Variants in ZNF324B observed in about 807,000 individuals in gnomAD.
ZNF324B encodes zinc finger protein 324B.
Under a neutral mutation model 10.6 loss-of-function variants are expected in ZNF324B, and 7 were observed. That is an observed-to-expected ratio of 0.66 (90% confidence interval 0.38 to 1.24). ZNF324B has a LOEUF of 1.24. Among genes scored for constraint, ZNF324B ranks in the 50% most tolerant of loss-of-function variants. The probability of loss-of-function intolerance (pLI) is 0.02; values close to 1 mark genes in which losing one functional copy is unlikely to be tolerated. For missense variants in ZNF324B, 640 were observed against 764.7 expected (o/e 0.84, Z 1.92); for synonymous variants, 316 against 321.0 (o/e 0.98, Z 0.17).
At chr19:58,427,291 T>TTTCTTTCTTTCTTTCTTTCTTTCTTTC in the ZNF324B span, among the ~76,000 whole-genome samples, 10 of 58,382 alleles carry the variant, frequency 1.7e-4, no homozygotes, top group African/African-American at 4.1e-4. Flanking sequence ...TGCCTGGCTT[T>TTTCTTTCTTTCTTTCTTTCTTTCTTTC]TTTCTTTCTT....
the ZNF324B span, among the ~76,000 whole-genome samples, chr19:58,427,431 C>CTT: frequency 3.3e-5 from 1 of 30,764 alleles, no homozygotes; most frequent in African/African-American, 1.8e-4. Flanking sequence ...TCCTTCCTTC[C>CTT]TTCCTTCCTT....
chr19:58,436,994 G>T, the ZNF324B span: 2 of 1,612,724 alleles, frequency 1.2e-6, no homozygotes, highest in East Asian at 4.5e-5. Flanking sequence ...CTTTCTATGG[G>T]GAAAAGACAC....
chr19:58,434,450 G>C, the ZNF324B span: 2 of 1,614,260 alleles, frequency 1.2e-6, no homozygotes, highest in Admixed American at 3.3e-5. Context: ...ACAAATGTGA[G>C]TTTGTGGTTG....
Position 58,456,856 on chromosome 19 carries a change from G to C in ZNF324B, c.*277G>C, listed in dbSNP as rs550079108. The C allele has an allele frequency of 3.6e-6, 2 of 548,830 alleles. No homozygotes were observed. The highest frequency in any genetic ancestry group is 3.1e-5 in the Admixed American group (1 of 32,050). The allele number at this position is 548,830 out of a possible 1,614,324, so 34.0% of individuals were successfully genotyped here. ...TCTGGTGGGGCTGAGGCTGTAGTTGGGGCCATAGGACGCCGACAAAGGCAG... is the reference window on the plus strand; with the variant it reads ...TCTGGTGGGGCTGAGGCTGTAGTTGCGGCCATAGGACGCCGACAAAGGCAG... On this transcript the variant is annotated 3_prime_UTR_variant, in exon 4 of 4. Transcript: ENST00000336614. This position sits in a 1 kb window ranked among gnomAD's most constrained non-coding sequence, Gnocchi z 4.7.
chr19:58,455,005 C>A lies in ZNF324B; in HGVS notation c.239-178C>A. On this transcript the variant is annotated intron_variant, in intron 3 of 3. Coordinates refer to ENST00000336614, the MANE Select transcript of ZNF324B (RefSeq NM_207395.3). The surrounding 1 kb of genome is among the most constrained non-coding windows in gnomAD (Gnocchi z 7.0). The stretch of plus-strand genomic sequence containing the variant: ...AGTCCCCACTGCAGTCAGTGCCACA[C>A]CTGTCAGGGCAGATGCTTCCTCCAA... 2 of 846,962 alleles carry A rather than the reference C, an allele frequency of 2.4e-6. No individual in the cohort carries two copies. Among genetic ancestry groups the A allele is most frequent in the Non-Finnish European group, 2.0e-6 (1 of 511,222 alleles). The allele number at this position is 846,962 out of a possible 1,614,324, so 52.5% of individuals were successfully genotyped here.
chr19:58,426,409 A>G, the ZNF324B span, among the ~76,000 whole-genome samples: 2 of 152,194 alleles, frequency 1.3e-5, no homozygotes, highest in Admixed American at 6.5e-5. Context: ...TGTTGTCAGA[A>G]GTTCTGGTGG....
chr19:58,434,337 G>A, the ZNF324B span: 3 of 1,614,254 alleles, frequency 1.9e-6, no homozygotes, highest in Non-Finnish European at 2.5e-6. Flanking sequence ...TTTCTCCAGT[G>A]TGAACTTTCT....
At chr19:58,439,735 G>A in the ZNF324B span, 3 of 1,502,326 alleles carry the variant, frequency 2.0e-6, no homozygotes, top group Non-Finnish European at 2.7e-6. Context: ...CAGCGGGTGA[G>A]GGCCTGGGGC....
rs896052120 is a variant in ZNF324B, at chr19:58,455,628, G to A, written c.684G>A (p.Trp228Ter). Reference sequence around the variant, plus strand: ...GGGATCGCAGAATGGGCGCAGCTTGGCAGGAGCCTCATAGACTCCTCGGTG... The same window carrying A: ...GGGATCGCAGAATGGGCGCAGCTTGACAGGAGCCTCATAGACTCCTCGGTG... ...GGRDRRMGAA[W>*]QEPHRLLGGQ... Residue 228 changes from tryptophan (W) to a stop codon, truncating the protein, a stop_gained, in exon 4 of 4, where the codon TGG becomes TGA. Coordinates refer to ENST00000336614, the MANE Select transcript of ZNF324B (RefSeq NM_207395.3). LOFTEE classifies it low-confidence loss of function (END_TRUNC). This position sits in a 1 kb window ranked among gnomAD's most constrained non-coding sequence, Gnocchi z 7.0. The A allele has an allele frequency of 2.5e-6, 4 of 1,613,934 alleles. No individual in the cohort carries two copies. The highest frequency in any genetic ancestry group is 1.1e-5 in the South Asian group (1 of 91,080).
At chr19:58,447,379 G>A (rs575644934), upstream of ZNF324B, among the ~76,000 whole-genome samples, 3 of 152,306 alleles carry the variant, frequency 2.0e-5, no homozygotes, top group East Asian at 5.8e-4. Context: ...AGGGGTCTGA[G>A]CCAAAAAGAG....
chr19:58,440,008 T>C, the ZNF324B span: 1 of 616,040 alleles, frequency 1.6e-6, no homozygotes, highest in Non-Finnish European at 2.8e-6. Context: ...CGGGAACACC[T>C]TGGCTCATAA....
At chr19:58,427,945 GTCTTACATATTGGAGACATTAGCA>G in the ZNF324B span, among the ~76,000 whole-genome samples, 1 of 152,178 alleles carries the variant, frequency 6.6e-6, no homozygotes, top group African/African-American at 2.4e-5. Flanking sequence ...TCCCACATGT[GTCTTACATATTGGAGACATTAGCA>G]TCTTCCATAT....
Position 58,451,719 on chromosome 19 carries a change from C to G in ZNF324B, c.-7+15C>G, listed in dbSNP as rs1305043796. The G allele has an allele frequency of 2.2e-6, 1 of 461,124 alleles. No homozygotes were observed. The highest frequency in any genetic ancestry group is 2.1e-5 in the African/African-American group (1 of 47,314). The allele number at this position is 461,124 out of a possible 1,614,324, so 28.6% of individuals were successfully genotyped here. On this transcript the variant is annotated intron_variant, in intron 1 of 3. Transcript: ENST00000336614. ...CGGCCAGGAAGGTACGGACCACGAG[C>G]AGCCGGCCGCGCCCCCAAGCCTCGG...
rs886473493 is a variant in ZNF324B, at chr19:58,453,889, C to T, written c.121+67C>T. 2.5e-6 allele frequency: 4 copies of T among 1,569,914 alleles called. No homozygotes were observed. In the Admixed American group the frequency reaches 5.3e-5, roughly 21 times the overall value. Reference sequence around the variant, plus strand: ...ATCAGGACTGCCTCTTCACTTCCCTCCTGGTTGATGAGCAGGATCAAATCT... The same window carrying T: ...ATCAGGACTGCCTCTTCACTTCCCTTCTGGTTGATGAGCAGGATCAAATCT... On this transcript the variant is annotated intron_variant, in intron 2 of 3. Coordinates refer to ENST00000336614, the MANE Select transcript of ZNF324B (RefSeq NM_207395.3).
chr19:58,444,916 G>A, the ZNF324B span: 34 of 158,108 alleles, frequency 2.2e-4, no homozygotes, highest in Non-Finnish European at 3.7e-4. Flanking sequence ...GCACCAATAT[G>A]TTCACCCCAG....
chr19:58,448,753 A>G (rs1365193215), upstream of ZNF324B, among the ~76,000 whole-genome samples: 2 of 152,106 alleles, frequency 1.3e-5, no homozygotes, highest in Admixed American at 6.5e-5. Context: ...AAAATAAAGT[A>G]TCTGGTGGAA....
At chr19:58,439,659 G>A in the ZNF324B span, 7 of 1,304,228 alleles carry the variant, frequency 5.4e-6, no homozygotes, top group South Asian at 1.6e-5. Flanking sequence ...GACAGGACAC[G>A]ATCAAGAGTC....
chr19:58,439,791 C>T, the ZNF324B span: 4 of 1,547,048 alleles, frequency 2.6e-6, no homozygotes, highest in Non-Finnish European at 3.5e-6. Flanking sequence ...GCTGGCAACC[C>T]CATTAGAACC....
chr19:58,428,796 T>C, the ZNF324B span: 1 of 152,250 alleles, frequency 6.6e-6, no homozygotes, highest in Non-Finnish European at 1.5e-5. Context: ...TCTACCACAG[T>C]CTTCTCCACA....
Sources: gnomAD v4.1 joint callset for allele counts (sites outside exome capture counted in the v4.1 genomes callset) on GRCh38, gnomAD v4.1.1 for gene constraint, Gnocchi (gnomAD v3.1) non-coding constraint, MANE v1.5 for transcripts, NCBI Gene and HGNC (gene_info 2026-07-23, HGNC 2026-07-21) for gene names.